Variants in QPCT observed in about 807,000 individuals in gnomAD.
QPCT encodes the protein glutaminyl-peptide cyclotransferase.
Under a neutral mutation model 43.4 loss-of-function variants are expected in QPCT, and 44 were observed. The observed-to-expected ratio is 1.01, with a 90% CI of 0.80 to 1.30. The LOEUF is 1.30. Among genes scored for constraint, QPCT ranks in the 50% most tolerant of loss-of-function variants. The pLI is 0.00. For synonymous variants in QPCT, 168 were observed against 168.4 expected (o/e 1.00, Z 0.02); for missense variants, 526 against 436.5 (o/e 1.21, Z -1.83).
chr2:37,364,945 A>G (rs1046615610), intron 3 of QPCT, among the ~76,000 whole-genome samples: 4 of 149,000 alleles, frequency 2.7e-5, no homozygotes, highest in Admixed American at 1.3e-4. Context: ...TATAACATAT[A>G]ATATGTATAT....
Position 37,359,569 on chromosome 2 carries a change from G to A in QPCT, c.268-11G>A, listed in dbSNP as rs750595864. On this transcript the variant is annotated splice_polypyrimidine_tract_variant and intron_variant, in intron 2 of 6. Coordinates refer to ENST00000338415, the MANE Select transcript of QPCT (RefSeq NM_012413.4). ...TTAGATCTAAATTTTTTGTTTTTTT[G>A]TTTTGATCAGCACATCATGCAGCGA... 1.9e-6 allele frequency: 3 copies of A among 1,580,120 alleles called. No individual in the cohort carries two copies. The African/African-American group carries it at 4.1e-5, about 22-fold the overall frequency.
rs746307074 is a variant in QPCT at position 37,344,815 on chromosome 2, G to A, written c.84G>A (p.Gly28=). 1 of 1,607,844 alleles carries A rather than the reference G, an allele frequency of 6.2e-7. No individual in the cohort carries two copies. Among genetic ancestry groups the A allele is most frequent in the East Asian group, 2.2e-5 (1 of 44,572 alleles). ...LVAALPWASR[G]VSPSASAWPE... is the part of the protein sequence containing the mutation. ...CCGCCCTGCCCTGGGCATCCAGGGG[G>A]GTCAGTCCGAGTGCCTCAGCCTGGC... Residue 28 remains glycine, a synonymous_variant, in exon 1 of 7, where the codon GGG becomes GGA. Transcript: ENST00000338415.
chr2:37,372,504 G>A (rs1228582487), intron 6 of QPCT, 32 bp downstream of exon 6: 1 of 1,556,732 alleles, frequency 6.4e-7, no homozygotes, highest in Non-Finnish European at 8.9e-7. Context: ...GTTTGTGTGT[G>A]TGTGCGTGCA....
chr2:37,369,839 C>T, intron 5 of QPCT, 55 bp downstream of exon 5: 3 of 1,434,662 alleles, frequency 2.1e-6, no homozygotes, highest in Non-Finnish European at 2.9e-6. Flanking sequence ...CTGACAGATA[C>T]TACATTTTTA....
intron 1 of QPCT, 34 bp downstream of exon 1, chr2:37,344,885 C>A: frequency 6.6e-7 from 1 of 1,523,004 alleles, no homozygotes; most frequent in Non-Finnish European, 8.8e-7. Flanking sequence ...TGTACTTGAG[C>A]GGCTCTGGTC....
intron 3 of QPCT, among the ~76,000 whole-genome samples, chr2:37,364,654 G>A (rs1247818841): frequency 6.6e-6 from 1 of 152,140 alleles, no homozygotes; most frequent in Non-Finnish European, 1.5e-5. Flanking sequence ...GATCCCCACT[G>A]GTTTTTGGTC....
chr2:37,363,604 C>G (rs1176407907), intron 3 of QPCT, among the ~76,000 whole-genome samples: 1 of 150,404 alleles, frequency 6.6e-6, no homozygotes, highest in Admixed American at 6.6e-5. Flanking sequence ...GCACTCCAGC[C>G]TGGGCAACAG....
rs373917833 is a variant in QPCT, at chr2:37,367,204, G to A, written c.547-28G>A. Reference sequence around the variant, plus strand: ...TTTTTCATCATCACAGTATTTTTTTGCTATGTTTTTATTGTTGTTTTTACC... The same window carrying A: ...TTTTTCATCATCACAGTATTTTTTTACTATGTTTTTATTGTTGTTTTTACC... On this transcript the variant is annotated intron_variant, in intron 3 of 6. Coordinates refer to ENST00000338415, the MANE Select transcript of QPCT (RefSeq NM_012413.4). The A allele has an allele frequency of 3.2e-6, 5 of 1,570,972 alleles. No individual in the cohort carries two copies. The Admixed American group carries it at 9.4e-5, about 29-fold the overall frequency.
chr2:37,372,193 C>A (rs566010597), intron 5 of QPCT, among the ~76,000 whole-genome samples, 163 bp from the exon 6 acceptor site: 1 of 152,126 alleles, frequency 6.6e-6, no homozygotes, highest in African/African-American at 2.4e-5. Flanking sequence ...CCTGTTCAAC[C>A]CAGATGTTTA....
intron 3 of QPCT, among the ~76,000 whole-genome samples, chr2:37,362,701 G>A (rs1672876529): frequency 6.6e-6 from 1 of 152,206 alleles, no homozygotes; most frequent in South Asian, 2.1e-4. Context: ...TCAGAGTGGA[G>A]AGAAGTCACA....
At chr2:37,369,526 T>A (rs45580941) in intron 4 of QPCT, among the ~76,000 whole-genome samples, 159 bp from the exon 5 acceptor site, 9 of 152,260 alleles carry the variant, frequency 5.9e-5, no homozygotes, top group African/African-American at 2.2e-4. Context: ...CCAAAATAAT[T>A]AGCATAAAAT....
Position 37,359,576 on chromosome 2 carries a change from T to A in QPCT, c.268-4T>A. Reference sequence around the variant, plus strand: ...TAAATTTTTTGTTTTTTTGTTTTGATCAGCACATCATGCAGCGAATTCAGA... The same window carrying A: ...TAAATTTTTTGTTTTTTTGTTTTGAACAGCACATCATGCAGCGAATTCAGA... On this transcript the variant is annotated splice_polypyrimidine_tract_variant and splice_region_variant and intron_variant, in intron 2 of 6. Transcript: ENST00000338415. The A allele has an allele frequency of 6.2e-7, 1 of 1,604,788 alleles. No homozygotes were observed. Among genetic ancestry groups the A allele is most frequent in the Middle Eastern group, 1.7e-4 (1 of 6,022 alleles).
Position 37,352,942 on chromosome 2 carries a change from A to C in QPCT, c.267+7A>C. 1.9e-6 allele frequency: 3 copies of C among 1,609,576 alleles called. No individual in the cohort carries two copies. Among genetic ancestry groups the C allele is most frequent in the Non-Finnish European group, 2.6e-6 (3 of 1,176,456 alleles). The stretch of plus-strand genomic sequence containing the variant: ...AAGCTATGCTGCTCGTCAGGTGAGA[A>C]CATGGGACACAAACCTCAAGCTTGT... On this transcript the variant is annotated splice_region_variant and intron_variant, in intron 2 of 6. Coordinates refer to ENST00000338415, the MANE Select transcript of QPCT (RefSeq NM_012413.4).
chr2:37,361,251 T>C (rs1261612363), intron 3 of QPCT, among the ~76,000 whole-genome samples: 1 of 152,218 alleles, frequency 6.6e-6, no homozygotes, highest in African/African-American at 2.4e-5. Context: ...AGTTAAGTTC[T>C]TCAGCTGTCA....
intron 1 of QPCT, 94 bp from the exon 2 acceptor site, chr2:37,352,695 A>T: frequency 6.9e-7 from 1 of 1,439,748 alleles, no homozygotes; most frequent in Non-Finnish European, 9.6e-7. Flanking sequence ...GTTCTCCCTT[A>T]TTTTGAAGTT....
At chr2:37,347,754 A>G (rs949061957) in intron 1 of QPCT, among the ~76,000 whole-genome samples, 1 of 152,146 alleles carries the variant, frequency 6.6e-6, no homozygotes, top group Non-Finnish European at 1.5e-5. Flanking sequence ...TTCCTTTAGT[A>G]CAACATTGTC....
rs755930804 is a variant in QPCT, at chr2:37,359,710, G to A, written c.398G>A (p.Arg133Gln). 3 of 1,614,090 alleles carry A rather than the reference G, an allele frequency of 1.9e-6. No individual in the cohort carries two copies. The highest frequency in any genetic ancestry group is 2.5e-6 in the Non-Finnish European group (3 of 1,180,016). The change falls in exon 3 of 7, where the codon CGA becomes CAA. Residue 133 changes from arginine to glutamine, a missense_variant. By Grantham distance (43) the Arg-to-Gln change is conservative. Transcript: ENST00000338415. ...IISTLNPTAK[R>Q]HLVLACHYDS... ...AGCACCCTCAATCCCACTGCTAAAC[G>A]ACATTTGGTCCTCGCCTGCCACTAT...
At position 37,347,218 on chromosome 2, in the gene QPCT, C is replaced by CATATATATATAACATAT. The variant is rs1464392817; in HGVS notation, c.120+2394_120+2410dup. 1.1e-4 allele frequency among the ~76,000 whole-genome samples: 7 copies of CATATATATATAACATAT among 62,376 alleles called. No individual in the cohort carries two copies. In the Admixed American group the frequency reaches 1.2e-3, roughly 11 times the overall value. 40.9% of individuals were successfully genotyped at this position (62,376 alleles called of 152,430 possible). A position where few individuals can be genotyped will look rare whatever the true frequency, so the allele number is the denominator to read the frequency against. ...ACATATATATATAACATATATATAA[C>CATATATATATAACATAT]ATATATATATAACATATATATATAT... is the stretch of plus-strand genomic sequence containing the variant. On this transcript the variant is annotated intron_variant, in intron 1 of 6. Transcript: ENST00000338415.
chr2:37,352,696 T>C (rs1470535213), intron 1 of QPCT, 93 bp from the exon 2 acceptor site: 9 of 1,438,294 alleles, frequency 6.3e-6, no homozygotes, highest in Non-Finnish European at 8.6e-6. Flanking sequence ...TTCTCCCTTA[T>C]TTTGAAGTTT....
Sources: allele counts gnomAD v4.1 joint callset (sites outside exome capture counted in the v4.1 genomes callset), GRCh38; gene constraint gnomAD v4.1.1; transcripts MANE v1.5; gene names NCBI Gene and HGNC (gene_info 2026-07-23, HGNC 2026-07-21).